Variants in ARHGAP15 observed in about 807,000 individuals in gnomAD.
ARHGAP15 encodes the protein Rho GTPase activating protein 15, also known as rho GTPase-activating protein 15.
A neutral mutation model predicts 63.7 loss-of-function variants in ARHGAP15; 51 were observed. The observed-to-expected ratio is 0.80, with a 90% CI of 0.64 to 1.01. The LOEUF is 1.01. Ranked by LOEUF, ARHGAP15 falls within the 50% of genes least tolerant of loss-of-function variation. The pLI, the probability that ARHGAP15 is intolerant of heterozygous loss-of-function variation, is 0.00. For missense variants in ARHGAP15, 560 were observed against 564.6 expected (o/e 0.99, Z 0.08); for synonymous variants, 191 against 193.8 (o/e 0.99, Z 0.12).
At chr2:143,558,437 C>T (rs1382255829) in intron 11 of ARHGAP15, among the ~76,000 whole-genome samples, 2 of 152,130 alleles carry the variant, frequency 1.3e-5, no homozygotes, top group Admixed American at 6.5e-5. Context: ...GTAGTACATT[C>T]ACATCTAACT....
intron 2 of ARHGAP15, among the ~76,000 whole-genome samples, chr2:143,179,734 A>T (rs1691154515): frequency 6.6e-6 from 1 of 152,126 alleles, no homozygotes; most frequent in African/African-American, 2.4e-5. Flanking sequence ...CAAAAAATTA[A>T]AAACAAAATT....
At chr2:143,632,590 G>A (rs1680098119) in intron 12 of ARHGAP15, among the ~76,000 whole-genome samples, 1 of 152,168 alleles carries the variant, frequency 6.6e-6, no homozygotes, top group Admixed American at 6.5e-5. Context: ...CAGACTATTA[G>A]CCACCAAAAG....
rs754081879 is a variant in ARHGAP15 at position 143,269,541 on chromosome 2, A to G, written c.474+18941A>G. On this transcript the variant is annotated intron_variant, in intron 6 of 13. Transcript: ENST00000295095. ...TAAGATGAAGAATGAATTCTCTTTT[A>G]CCCAATTAGGCTCTGAGCATTTTCC... 4.1e-4 allele frequency among the ~76,000 whole-genome samples: 63 copies of G among 152,162 alleles called. 1 individual carries two copies. Among genetic ancestry groups the G allele is most frequent in the Non-Finnish European group, 1.2e-4 (8 of 68,014 alleles).
chr2:143,375,064 C>G (rs182912555), intron 6 of ARHGAP15, among the ~76,000 whole-genome samples: 1 of 152,178 alleles, frequency 6.6e-6, no homozygotes, highest in Non-Finnish European at 1.5e-5. Context: ...GGAAATTTGG[C>G]TAGATATGTT....
chr2:143,529,158 A>T (rs758937729), intron 10 of ARHGAP15, among the ~76,000 whole-genome samples: 20 of 152,018 alleles, frequency 1.3e-4, no homozygotes, highest in Non-Finnish European at 2.4e-4. Flanking sequence ...CCCAACAAAG[A>T]TGTTCCTCCT....
At chr2:143,196,691 C>T (rs1346620744) in intron 2 of ARHGAP15, among the ~76,000 whole-genome samples, 1 of 151,800 alleles carries the variant, frequency 6.6e-6, no homozygotes, top group Admixed American at 6.6e-5. Context: ...AACATTCCAT[C>T]ATTTATAAAT....
intron 10 of ARHGAP15, among the ~76,000 whole-genome samples, chr2:143,550,220 C>A (rs1421787479): frequency 6.6e-6 from 1 of 151,892 alleles, no homozygotes; most frequent in East Asian, 1.9e-4. Flanking sequence ...GACTTAACAG[C>A]AGGGATGCTA....
intron 10 of ARHGAP15, among the ~76,000 whole-genome samples, chr2:143,544,446 C>CATAATAAATGTCATTAAT (rs1695236888): frequency 6.6e-6 from 1 of 151,958 alleles, no homozygotes; most frequent in African/African-American, 2.4e-5. Flanking sequence ...AATATTTGTT[C>CATAATAAATGTCATTAAT]ACAAGAGTAA....
intron 1 of ARHGAP15, among the ~76,000 whole-genome samples, chr2:143,131,023 G>A (rs779022916): frequency 5.3e-5 from 8 of 152,058 alleles, no homozygotes; most frequent in Non-Finnish European, 1.2e-4. Context: ...TAAACATCTG[G>A]CATTGAGGAA....
At position 143,225,932 on chromosome 2, in the gene ARHGAP15, T is replaced by C. The variant is rs150763936; in HGVS notation, c.297-2649T>C. Among the ~76,000 whole-genome samples, 13 of 152,348 alleles carry C rather than the reference T, an allele frequency of 8.5e-5. No individual in the cohort carries two copies. In the East Asian group the frequency reaches 2.3e-3, roughly 27 times the overall value. The stretch of plus-strand genomic sequence containing the variant: ...TCTAAAAGGTTGTCAGCAGCATTAT[T>C]ATTCTTCGTTTTGAAATGAAATTCT... On this transcript the variant is annotated intron_variant, in intron 4 of 13. Coordinates refer to ENST00000295095, the MANE Select transcript of ARHGAP15 (RefSeq NM_018460.4).
intron 13 of ARHGAP15, among the ~76,000 whole-genome samples, chr2:143,708,638 C>T (rs1162152799): frequency 6.6e-6 from 1 of 152,016 alleles, no homozygotes; most frequent in Non-Finnish European, 1.5e-5. Flanking sequence ...TCTTTTCACC[C>T]TCCAAGTGAT....
intron 8 of ARHGAP15, among the ~76,000 whole-genome samples, chr2:143,452,875 T>C (rs987353340): frequency 3.3e-5 from 5 of 152,008 alleles, no homozygotes; most frequent in Non-Finnish European, 7.4e-5. Context: ...GAATTCAAAA[T>C]AAGCATAAGC....
intron 6 of ARHGAP15, among the ~76,000 whole-genome samples, chr2:143,330,963 T>G (rs1684522666): frequency 6.6e-6 from 1 of 152,228 alleles, no homozygotes; most frequent in African/African-American, 2.4e-5. Context: ...TTTCTTTGGT[T>G]TGAGTTGTAA....
chr2:143,542,659 T>A (rs899315279), intron 10 of ARHGAP15, among the ~76,000 whole-genome samples: 1 of 130,374 alleles, frequency 7.7e-6, no homozygotes, highest in Non-Finnish European at 1.8e-5. Context: ...TGATATATAT[T>A]ATATATATGA....
rs1680108136 is a variant in ARHGAP15, at chr2:143,250,600, G to A, written c.474G>A (p.Gln158=). 4 of 1,610,790 alleles carry A rather than the reference G, an allele frequency of 2.5e-6. No homozygotes were observed. Among genetic ancestry groups the A allele is most frequent in the East Asian group, 2.2e-5 (1 of 44,776 alleles). ...AATCGAGCAGAAAGAATGTCTTTCAGGTAAGAATGTTACATATATTCAATT... is the reference window on the plus strand; with the variant it reads ...AATCGAGCAGAAAGAATGTCTTTCAAGTAAGAATGTTACATATATTCAATT... ...KEKSSRKNVF[Q]ITTVSGNEFL... The change falls in exon 6 of 14, where the codon CAG becomes CAA. Residue 158 remains glutamine, a splice_region_variant and synonymous_variant. Coordinates refer to ENST00000295095, the MANE Select transcript of ARHGAP15 (RefSeq NM_018460.4).
intron 11 of ARHGAP15, among the ~76,000 whole-genome samples, chr2:143,614,609 G>A (rs1698387697): frequency 6.6e-6 from 1 of 152,104 alleles, no homozygotes; most frequent in Non-Finnish European, 1.5e-5. Context: ...TTGATAGGTG[G>A]TACAAATATA....
At chr2:143,551,005 G>A (rs1164631019) in intron 10 of ARHGAP15, among the ~76,000 whole-genome samples, 1 of 152,156 alleles carries the variant, frequency 6.6e-6, no homozygotes, top group African/African-American at 2.4e-5. Context: ...TTAACTCAAT[G>A]AAGAGAAAGA....
At position 143,421,633 on chromosome 2, in the gene ARHGAP15, C is replaced by A. The variant is rs1030838194; in HGVS notation, c.475-13968C>A. 1.5e-4 allele frequency among the ~76,000 whole-genome samples: 23 copies of A among 150,834 alleles called. No individual in the cohort carries two copies. In the East Asian group the frequency reaches 4.3e-3, roughly 28 times the overall value. On this transcript the variant is annotated intron_variant, in intron 6 of 13. Transcript: ENST00000295095. ...TGGGACCAGCATTTTTAAATGAAAT[C>A]AATTAAAGAAAAAAAGAAACCAGGA...
At chr2:143,494,810 C>G (rs563571429) in intron 9 of ARHGAP15, among the ~76,000 whole-genome samples, 1 of 152,288 alleles carries the variant, frequency 6.6e-6, no homozygotes, top group African/African-American at 2.4e-5. Flanking sequence ...ACACTAATCC[C>G]ATACCTCAAA....
Sources: gnomAD v4.1 joint callset for allele counts (sites outside exome capture counted in the v4.1 genomes callset) on GRCh38, gnomAD v4.1.1 for gene constraint, MANE v1.5 for transcripts, NCBI Gene and HGNC (gene_info 2026-07-23, HGNC 2026-07-21) for gene names.